NBAS: variants seen among roughly 807,000 people sequenced by gnomAD.
NBAS encodes the protein NBAS subunit of NRZ tethering complex.
A neutral mutation model predicts 302.5 loss-of-function variants in NBAS; 219 were observed. The ratio of observed to expected loss-of-function variants is 0.72; its 90% CI spans 0.65 to 0.81. The LOEUF (loss-of-function observed/expected upper bound fraction) is 0.81. Ranked by LOEUF, NBAS falls within the 30% of genes least tolerant of loss-of-function variation. NBAS has a pLI of 0.00. For missense variants in NBAS, 2,932 were observed against 2,841.6 expected, an observed-to-expected ratio of 1.03 and a Z score of -0.72; for synonymous variants, 1,118 against 1,021.6, an observed-to-expected ratio of 1.09 and a Z score of -1.80.
At chr2:15,006,961 C>G in the NBAS span, among the ~76,000 whole-genome samples, 80 of 152,264 alleles carry the variant, frequency 5.3e-4, 1 homozygote, top group East Asian at 0.01. Flanking sequence ...TGGTCATGAG[C>G]CTTCACTTAG....
At chr2:15,271,963 T>G (rs1669344781) in intron 44 of NBAS, among the ~76,000 whole-genome samples, 1 of 152,196 alleles carries the variant, frequency 6.6e-6, no homozygotes, top group South Asian at 2.1e-4. Context: ...ACTTTAAACA[T>G]TTGCTTCCTT....
intron 21 of NBAS, among the ~76,000 whole-genome samples, chr2:15,441,328 C>T (rs1462171811): frequency 2.0e-5 from 3 of 152,234 alleles, no homozygotes; most frequent in Non-Finnish European, 4.4e-5. Context: ...CTCTACAAAC[C>T]AGAAGAGAGT....
At chr2:14,814,890 T>C in the NBAS span, among the ~76,000 whole-genome samples, 1 of 152,314 alleles carries the variant, frequency 6.6e-6, no homozygotes, top group East Asian at 1.9e-4. Context: ...GATCAAATCA[T>C]GGAAGTGGTT....
chr2:14,858,816 GAATAT>G, the NBAS span, among the ~76,000 whole-genome samples: 4 of 151,974 alleles, frequency 2.6e-5, no homozygotes, highest in Non-Finnish European at 5.9e-5. Context: ...AAAACTAAAA[GAATAT>G]AATTAGATTG....
At chr2:15,341,629 G>A (rs1006239134) in intron 35 of NBAS, among the ~76,000 whole-genome samples, 10 of 151,836 alleles carry the variant, frequency 6.6e-5, no homozygotes, top group African/African-American at 1.5e-4. Context: ...AGAAATGCAC[G>A]GGCCTTATGA....
At chr2:14,947,729 T>C in the NBAS span, among the ~76,000 whole-genome samples, 1 of 152,238 alleles carries the variant, frequency 6.6e-6, no homozygotes, top group Admixed American at 6.5e-5. Flanking sequence ...AGAAATAAAC[T>C]TCAATATTTC....
the NBAS span, among the ~76,000 whole-genome samples, chr2:14,783,614 T>G: frequency 1.3e-5 from 2 of 151,600 alleles, no homozygotes; most frequent in Non-Finnish European, 2.9e-5. Context: ...AATGATGATT[T>G]CCAATTTCAT....
downstream of NBAS, among the ~76,000 whole-genome samples, chr2:15,165,979 G>A (rs552333548): frequency 1.3e-5 from 2 of 151,654 alleles, no homozygotes; most frequent in Admixed American, 6.6e-5. Context: ...ACGGCCCCCC[G>A]GTCACTCTGT....
Position 15,475,611 on chromosome 2 carries a change from A to T in NBAS, c.1341+76T>A, listed in dbSNP as rs111977116. On this transcript the variant is annotated intron_variant, in intron 14 of 51. Transcript: ENST00000281513. ...TTTTTAAAGAAAAGATAATAAGACA[A>T]CTCAAATAAAAACCAGATATTTAAA... 3.3e-5 allele frequency: 44 copies of T among 1,345,590 alleles called. No individual in the cohort carries two copies. The Middle Eastern group carries it at 6.2e-4, about 19-fold the overall frequency. 83.4% of individuals were successfully genotyped at this position (1,345,590 alleles called of 1,614,324 possible).
rs1362249311 is a variant in NBAS at position 15,422,216 on chromosome 2, T to G, written c.2577+2099A>C. 2.0e-5 allele frequency among the ~76,000 whole-genome samples: 3 copies of G among 152,226 alleles called. No individual in the cohort carries two copies. In the East Asian group the frequency reaches 5.8e-4, roughly 29 times the overall value. On this transcript the variant is annotated intron_variant, in intron 23 of 51. Transcript: ENST00000281513. ...TTCCCAAAAAGTCATATGGTTGGAA[T>G]CATACAGTATGCAGCCTTTTCAGAT...
the NBAS span, among the ~76,000 whole-genome samples, chr2:15,017,324 T>C: frequency 6.6e-6 from 1 of 151,744 alleles, no homozygotes; most frequent in Non-Finnish European, 1.5e-5. Flanking sequence ...AATGGGATAA[T>C]ATCAAATAAA....
At chr2:15,178,045 T>C (rs1409581922) in intron 51 of NBAS, 2 of 388,708 alleles carry the variant, frequency 5.1e-6, no homozygotes, top group Admixed American at 2.9e-5. Flanking sequence ...CCTTTGTCAT[T>C]AAGAAAACTT....
the NBAS span, among the ~76,000 whole-genome samples, chr2:14,978,637 C>T: frequency 1.3e-5 from 2 of 152,264 alleles, no homozygotes; most frequent in Admixed American, 1.3e-4. Flanking sequence ...AGCTGCTAAT[C>T]AGAAAAATCC....
the NBAS span, among the ~76,000 whole-genome samples, chr2:14,783,146 T>C: frequency 2.6e-5 from 4 of 151,906 alleles, no homozygotes; most frequent in African/African-American, 9.7e-5. Flanking sequence ...AAAATAAAAA[T>C]AAAACTGGGT....
chr2:15,244,920 G>C (rs530619211), intron 44 of NBAS, among the ~76,000 whole-genome samples: 1 of 152,180 alleles, frequency 6.6e-6, no homozygotes, highest in East Asian at 1.9e-4. Context: ...TGAAACGTGA[G>C]AGAAGTGTCA....
intron 6 of NBAS, 149 bp from the exon 7 acceptor site, chr2:15,539,505 A>G: frequency 1.0e-6 from 1 of 972,558 alleles, no homozygotes; most frequent in Non-Finnish European, 1.6e-6. Flanking sequence ...AATAAAAAAG[A>G]GCAGTTTCCA....
At chr2:15,105,647 T>C in the NBAS span, among the ~76,000 whole-genome samples, 1 of 151,988 alleles carries the variant, frequency 6.6e-6, no homozygotes, top group African/African-American at 2.4e-5. Context: ...CAAAAATGCG[T>C]TTCCAATTTA....
chr2:15,347,342 T>C (rs937048303), intron 35 of NBAS, among the ~76,000 whole-genome samples: 2 of 152,182 alleles, frequency 1.3e-5, no homozygotes, highest in Admixed American at 1.3e-4. Context: ...CAAAGACTTT[T>C]ACATCAATGT....
chr2:15,068,146 C>G, the NBAS span, among the ~76,000 whole-genome samples: 3 of 152,166 alleles, frequency 2.0e-5, no homozygotes, highest in Admixed American at 2.0e-4. Context: ...ATAGCTTTGC[C>G]ACTTACTGGC....
Sources: gnomAD v4.1 joint callset for allele counts (sites outside exome capture counted in the v4.1 genomes callset) on GRCh38, gnomAD v4.1.1 for gene constraint, MANE v1.5 for transcripts, NCBI Gene and HGNC (gene_info 2026-07-23, HGNC 2026-07-21) for gene names.